Variants in CGNL1 observed in about 807,000 individuals in gnomAD.
CGNL1 encodes the protein cingulin like 1, also known as cingulin-like protein 1.
A neutral mutation model predicts 141.2 loss-of-function variants in CGNL1; 132 were observed. The observed-to-expected ratio is 0.93, with a 90% CI of 0.81 to 1.08. The LOEUF is 1.08. Among genes scored for constraint, CGNL1 ranks in the 50% least tolerant of loss-of-function variants. The probability of loss-of-function intolerance (pLI) is 0.00; values close to 1 mark genes in which losing one functional copy is unlikely to be tolerated. For synonymous variants in CGNL1, 690 were observed against 622.1 expected (o/e 1.11, Z -1.63); for missense variants, 1,870 against 1,588.6 (o/e 1.18, Z -3.01).
At chr15:57,384,009 A>C (rs1429711618) in intron 1 of CGNL1, among the ~76,000 whole-genome samples, 2 of 144,554 alleles carry the variant, frequency 1.4e-5, no homozygotes, top group African/African-American at 5.0e-5. Context: ...GGTTGTGGCC[A>C]GACTAGCTCA....
chr15:57,465,045 C>T (rs1027779754), intron 8 of CGNL1, among the ~76,000 whole-genome samples: 8 of 152,116 alleles, frequency 5.3e-5, no homozygotes, highest in African/African-American at 9.7e-5. Flanking sequence ...AGCCACTGTG[C>T]GCGGCTTCCT....
intron 1 of CGNL1, among the ~76,000 whole-genome samples, chr15:57,396,749 A>G (rs1165541248): frequency 6.6e-6 from 1 of 152,174 alleles, no homozygotes. Context: ...TGTAATGACT[A>G]TCATCATTCT....
chr15:57,499,246 T>A (rs1175501272), intron 8 of CGNL1, among the ~76,000 whole-genome samples: 1 of 110,674 alleles, frequency 9.0e-6, no homozygotes, highest in Admixed American at 1.0e-4. Context: ...GGCTTTTTTT[T>A]TTTTTTTTTT....
chr15:57,443,644 A>C (rs1430934125), intron 4 of CGNL1, among the ~76,000 whole-genome samples: 1 of 152,212 alleles, frequency 6.6e-6, no homozygotes, highest in South Asian at 2.1e-4. Context: ...CACATACGCA[A>C]TTCCCACTGG....
chr15:57,520,390 C>G (rs1413894095), intron 10 of CGNL1, among the ~76,000 whole-genome samples: 1 of 152,176 alleles, frequency 6.6e-6, no homozygotes, highest in East Asian at 1.9e-4. Flanking sequence ...TTTTCTCAGT[C>G]TTTGTGCTAT....
intron 14 of CGNL1, among the ~76,000 whole-genome samples, chr15:57,538,850 A>G (rs188118206): frequency 6.6e-6 from 1 of 152,228 alleles, no homozygotes; most frequent in East Asian, 1.9e-4. Context: ...CTTTATTGAG[A>G]GTCCTAGGTC....
At chr15:57,473,458 AG>A (rs2063608541) in intron 8 of CGNL1, among the ~76,000 whole-genome samples, 1 of 152,244 alleles carries the variant, frequency 6.6e-6, no homozygotes, top group Admixed American at 6.5e-5. Context: ...AGAGTGCATA[AG>A]GCATTTACAG....
chr15:57,521,398 C>T (rs191083784), intron 10 of CGNL1, among the ~76,000 whole-genome samples: 201 of 152,266 alleles, frequency 1.3e-3, no homozygotes, highest in African/African-American at 4.7e-3. Context: ...TAAGTACAGA[C>T]ACCCCATCCT....
At chr15:57,509,377 G>A (rs1451028244) in intron 8 of CGNL1, among the ~76,000 whole-genome samples, 2 of 152,238 alleles carry the variant, frequency 1.3e-5, no homozygotes, top group Non-Finnish European at 2.9e-5. Flanking sequence ...CTGTGGCAGA[G>A]GCCGTGTTAA....
chr15:57,505,479 C>T (rs1181959172), intron 8 of CGNL1, among the ~76,000 whole-genome samples: 7 of 152,154 alleles, frequency 4.6e-5, no homozygotes, highest in African/African-American at 1.7e-4. Context: ...CCCAGGTAGC[C>T]TGGCCTTGCA....
At chr15:57,525,553 G>A (rs1222635320) in intron 12 of CGNL1, among the ~76,000 whole-genome samples, 12 of 152,142 alleles carry the variant, frequency 7.9e-5, no homozygotes, top group African/African-American at 2.4e-4. Context: ...GTGTAGCAGC[G>A]AGTCTGTACA....
At chr15:57,544,635 G>T in intron 16 of CGNL1, 38 bp downstream of exon 16, 3 of 1,553,126 alleles carry the variant, frequency 1.9e-6, no homozygotes, top group Non-Finnish European at 2.6e-6. Flanking sequence ...GGAGGCCCCA[G>T]TGGGCAGTGA....
At chr15:57,487,924 G>A (rs114514077) in intron 8 of CGNL1, among the ~76,000 whole-genome samples, 10 of 152,276 alleles carry the variant, frequency 6.6e-5, no homozygotes, top group Admixed American at 2.0e-4. Flanking sequence ...TTTCTTTGGC[G>A]TGTATACCTG....
At chr15:57,422,730 G>A (rs541183511) in intron 1 of CGNL1, among the ~76,000 whole-genome samples, 11 of 152,264 alleles carry the variant, frequency 7.2e-5, no homozygotes, top group South Asian at 2.1e-4. Flanking sequence ...ATAGTAAGGC[G>A]AAGGTGAGGC....
chr15:57,378,836 C>T (rs1235088857), intron 1 of CGNL1, among the ~76,000 whole-genome samples: 16 of 152,188 alleles, frequency 1.1e-4, no homozygotes, highest in Admixed American at 8.5e-4. Context: ...TTGGTTTTCT[C>T]GCTTTTCCCC....
At chr15:57,521,181 T>A (rs1210358471) in intron 10 of CGNL1, among the ~76,000 whole-genome samples, 4 of 152,214 alleles carry the variant, frequency 2.6e-5, no homozygotes, top group Non-Finnish European at 5.9e-5. Context: ...GTTTGCTTTT[T>A]TTCATGTGAA....
chr15:57,520,432 G>T (rs1322064220), intron 10 of CGNL1, among the ~76,000 whole-genome samples: 1 of 152,174 alleles, frequency 6.6e-6, no homozygotes, highest in African/African-American at 2.4e-5. Context: ...ATGATAAATA[G>T]ATTTCTTTAC....
chr15:57,402,883 G>A (rs1169662001), intron 1 of CGNL1, among the ~76,000 whole-genome samples: 1 of 152,140 alleles, frequency 6.6e-6, no homozygotes, highest in East Asian at 1.9e-4. Flanking sequence ...TCAGTGCAGG[G>A]CTTTAGGGCT....
intron 8 of CGNL1, among the ~76,000 whole-genome samples, chr15:57,472,462 G>A (rs1282364548): frequency 6.6e-6 from 1 of 152,140 alleles, no homozygotes; most frequent in Non-Finnish European, 1.5e-5. Flanking sequence ...GTTTTTGTGG[G>A]GGAGTGTGAA....
Sources: allele counts gnomAD v4.1 joint callset (sites outside exome capture counted in the v4.1 genomes callset), GRCh38; gene constraint gnomAD v4.1.1; transcripts MANE v1.5; gene names NCBI Gene and HGNC (gene_info 2026-07-23, HGNC 2026-07-21).